The following TRUB2 variants were observed in gnomAD, a reference collection of about 807,000 sequenced individuals.
The protein encoded by TRUB2 is pseudouridylate synthase TRUB2, mitochondrial.
Under a neutral mutation model 31.9 loss-of-function variants are expected in TRUB2, and 31 were observed. That is an observed-to-expected ratio of 0.97 (90% CI 0.73 to 1.31). The LOEUF is 1.31. Ranked by LOEUF, TRUB2 falls within the 50% of genes most tolerant of loss-of-function variation. The pLI is 0.00. For missense variants in TRUB2, 451 were observed against 439.6 expected, an observed-to-expected ratio of 1.03 and a Z score of -0.23; for synonymous variants, 201 against 182.6, an observed-to-expected ratio of 1.10 and a Z score of -0.81.
At chr9:128,316,706 C>T (rs997713117) in intron 3 of TRUB2, 2 of 161,858 alleles carry the variant, frequency 1.2e-5, no homozygotes, top group African/African-American at 2.4e-5. Context: ...GTGTCCAGAC[C>T]CAGCCACATG....
intron 2 of TRUB2, among the ~76,000 whole-genome samples, chr9:128,320,503 T>G (rs1832146329): frequency 6.6e-6 from 1 of 151,944 alleles, no homozygotes; most frequent in Admixed American, 6.6e-5. Flanking sequence ...TGTCTAATTT[T>G]GTATTTTTAG....
intron 3 of TRUB2, chr9:128,316,250 G>A (rs1004711888): frequency 3.9e-5 from 6 of 152,518 alleles, no homozygotes; most frequent in Admixed American, 1.3e-4. Flanking sequence ...AAATTAGCCA[G>A]GCGTGGTGGC....
At chr9:128,310,814 G>T in intron 7 of TRUB2, 73 bp downstream of exon 7, 4 of 1,589,686 alleles carry the variant, frequency 2.5e-6, no homozygotes, top group Non-Finnish European at 2.6e-6. Flanking sequence ...AGTGACCTCT[G>T]CAAGAGCGTT....
chr9:128,319,258 G>A (rs1266237323), intron 2 of TRUB2, among the ~76,000 whole-genome samples: 1 of 150,904 alleles, frequency 6.6e-6, no homozygotes, highest in Admixed American at 6.6e-5. Context: ...CCCAGGAGGA[G>A]AAGCTTGCAG....
In TRUB2 at chr9:128,310,963, G is replaced by C; in HGVS notation, c.594C>G (p.Ile198Met). ...EAYEMAVRGL[I>M]RPMNKSPMLI... is the part of the protein sequence containing the mutation. ...GCATCGGGGACTTGTTCATGGGCCGGATCAGGCCTCTCACGGCCATCTCAT... is the reference window on the plus strand; with the variant it reads ...GCATCGGGGACTTGTTCATGGGCCGCATCAGGCCTCTCACGGCCATCTCAT... The change falls in exon 7 of 8, where the codon ATC (isoleucine) becomes ATG (methionine). Residue 198 changes from isoleucine (I) to methionine (M), a missense_variant. Physicochemically the swap from Ile to Met is conservative, Grantham distance 10. Transcript: ENST00000372890. 1 of 1,614,266 alleles carries C rather than the reference G, an allele frequency of 6.2e-7. No homozygotes were observed. The highest frequency in any genetic ancestry group is 8.5e-7 in the Non-Finnish European group (1 of 1,180,050).
chr9:128,322,405 C>G lies in TRUB2; in HGVS notation c.4G>C (p.Gly2Arg), dbSNP rs748769733. The G allele has an allele frequency of 1.2e-6, 2 of 1,614,146 alleles. No individual in the cohort carries two copies. The highest frequency in any genetic ancestry group is 8.5e-7 in the Non-Finnish European group (1 of 1,180,022). MGSAGLSRLHGL... is the reference protein window; with the variant it reads MRSAGLSRLHGL... ...TGCAGCCGCGACAAGCCAGCAGACC[C>G]CATACTTGAAGATCACAGCACCCGC... Residue 2 changes from glycine (G) to arginine (R), a missense_variant, in exon 1 of 8, where the codon GGG becomes CGG. Transcript: ENST00000372890.
Position 128,308,927 on chromosome 9 carries a change from CTG to C in TRUB2, c.*621_*622del, listed in dbSNP as rs1564381182. ...ACAACAAAAATCATCTCATTTTCAT[CTG>C]TGTCTTCCAGTATTAAAGAGGTTGA... On this transcript the variant is annotated 3_prime_UTR_variant, in exon 8 of 8. Transcript: ENST00000372890. 1.3e-5 allele frequency: 2 copies of C among 152,182 alleles called. No individual in the cohort carries two copies. Among genetic ancestry groups the C allele is most frequent in the South Asian group, 2.1e-4 (1 of 4,808 alleles). The allele number at this position is 152,182 out of a possible 1,614,324, so 9.4% of individuals were successfully genotyped here. A position where few individuals can be genotyped will look rare whatever the true frequency, so the allele number is the denominator to read the frequency against.
At position 128,315,584 on chromosome 9, in the gene TRUB2, T is replaced by C; in HGVS notation, c.361A>G (p.Asn121Asp). Residue 121 changes from asparagine to aspartate, a missense_variant, in exon 4 of 8, where the codon AAT (asparagine) becomes GAT (aspartate). Asn to Asp is a conservative substitution (Grantham distance 23). Coordinates refer to ENST00000372890, the MANE Select transcript of TRUB2 (RefSeq NM_015679.3). ...CCTCGTACCTTGGTAAGATGAGCAT[T>C]GTACATATCGGTGAGGAGCCTGCAT... is the stretch of plus-strand genomic sequence containing the variant. ...HGCRLLTDMY[N>D]AHLTKDYTVR... The C allele has an allele frequency of 3.7e-6, 6 of 1,613,672 alleles. No homozygotes were observed. The highest frequency in any genetic ancestry group is 5.1e-6 in the Non-Finnish European group (6 of 1,179,864).
chr9:128,320,950 G>A (rs1030197363), intron 2 of TRUB2, among the ~76,000 whole-genome samples: 5 of 151,260 alleles, frequency 3.3e-5, no homozygotes, highest in South Asian at 4.2e-4. Flanking sequence ...CACCACTCCC[G>A]GCTAATTTTT....
At chr9:128,321,485 A>G in intron 2 of TRUB2, 114 bp downstream of exon 2, 1 of 1,546,062 alleles carries the variant, frequency 6.5e-7, no homozygotes, top group Admixed American at 1.9e-5. Flanking sequence ...CTAATACCTC[A>G]CTCCTCTGTG....
chr9:128,313,535 CAAA>C (rs563876862), intron 5 of TRUB2, among the ~76,000 whole-genome samples: 2 of 79,200 alleles, frequency 2.5e-5, no homozygotes, highest in Non-Finnish European at 2.8e-5. Context: ...GACTCCGTCT[CAAA>C]AAAAAAAAAA....
At chr9:128,313,999 A>C in intron 4 of TRUB2, 110 bp from the exon 5 acceptor site, 204 of 916,232 alleles carry the variant, frequency 2.2e-4, no homozygotes, top group Non-Finnish European at 3.2e-4. Context: ...CAGGAAGCTC[A>C]TGTGCCCAGC....
At chr9:128,319,663 G>A (rs1832128468) in intron 2 of TRUB2, among the ~76,000 whole-genome samples, 1 of 147,502 alleles carries the variant, frequency 6.8e-6, no homozygotes, top group South Asian at 2.1e-4. Context: ...TTTTGAGGCA[G>A]AGTCTCACTC....
At position 128,306,461 on chromosome 9, in the gene TRUB2, G is replaced by C. The variant is rs1007696624; in HGVS notation, c.*3089C>G. 3 of 66,694 alleles carry C rather than the reference G, an allele frequency of 4.5e-5. No individual in the cohort carries two copies. The East Asian group carries it at 1.2e-3, about 26-fold the overall frequency. The allele number at this position is 66,694 out of a possible 1,614,324, so 4.1% of individuals were successfully genotyped here. ...ATTTTTCTCTTTTTTTTTTTTTTTTGAGACAGAGTCTCACTCTGTCACCTA... is the reference window on the plus strand; with the variant it reads ...ATTTTTCTCTTTTTTTTTTTTTTTTCAGACAGAGTCTCACTCTGTCACCTA... On this transcript the variant is annotated 3_prime_UTR_variant, in exon 8 of 8. Transcript: ENST00000372890.
At chr9:128,312,615 A>AT (rs756476106) in intron 5 of TRUB2, among the ~76,000 whole-genome samples, 194 of 126,750 alleles carry the variant, frequency 1.5e-3, no homozygotes, top group South Asian at 5.4e-3. Context: ...TATTATTATT[A>AT]TTTTTTTTTT....
At chr9:128,311,875 A>T (rs1185954711) in intron 5 of TRUB2, among the ~76,000 whole-genome samples, 1 of 128,218 alleles carries the variant, frequency 7.8e-6, no homozygotes. Flanking sequence ...TCGCTCTGTC[A>T]CCCAGACTGG....
Position 128,322,404 on chromosome 9 carries a change from C to T in TRUB2, c.5G>A (p.Gly2Glu), listed in dbSNP as rs1186468025. ...ATGCAGCCGCGACAAGCCAGCAGAC[C>T]CCATACTTGAAGATCACAGCACCCG... M[G>E]SAGLSRLHGL... is the part of the protein sequence containing the mutation. Residue 2 changes from glycine to glutamate, a missense_variant, in exon 1 of 8, where the codon GGG becomes GAG. Coordinates refer to ENST00000372890, the MANE Select transcript of TRUB2 (RefSeq NM_015679.3). 1 of 1,614,006 alleles carries T rather than the reference C, an allele frequency of 6.2e-7. No homozygotes were observed. Among genetic ancestry groups the T allele is most frequent in the East Asian group, 2.2e-5 (1 of 44,884 alleles).
intron 6 of TRUB2, 170 bp from the exon 7 acceptor site, chr9:128,311,193 C>A: frequency 1.1e-6 from 1 of 913,142 alleles, no homozygotes; most frequent in Non-Finnish European, 1.6e-6. Flanking sequence ...TCAGGAAACC[C>A]AGGCAAGCTG....
chr9:128,315,573 A>G lies in TRUB2; in HGVS notation c.372T>C (p.Leu124=), dbSNP rs1472377165. Residue 124 remains leucine, a synonymous_variant, in exon 4 of 8, where the codon CTT becomes CTC. Transcript: ENST00000372890. ...TGTCCCCAGACCCTCGTACCTTGGT[A>G]AGATGAGCATTGTACATATCGGTGA... ...RLLTDMYNAH[L]TKDYTVRGLL... 1 of 1,613,600 alleles carries G rather than the reference A, an allele frequency of 6.2e-7. No homozygotes were observed. Among genetic ancestry groups the G allele is most frequent in the East Asian group, 2.2e-5 (1 of 44,870 alleles).
Sources: gnomAD v4.1 joint callset for allele counts (sites outside exome capture counted in the v4.1 genomes callset) on GRCh38, gnomAD v4.1.1 for gene constraint, MANE v1.5 for transcripts, NCBI Gene and HGNC (gene_info 2026-07-23, HGNC 2026-07-21) for gene names.